The following DPYSL2 variants were observed in gnomAD, a reference collection of about 807,000 sequenced individuals.
DPYSL2 encodes dihydropyrimidinase-related protein 2.
A neutral mutation model predicts 69.9 loss-of-function variants in DPYSL2; 13 were observed. The observed-to-expected ratio is 0.19, with a 90% CI of 0.12 to 0.30. The LOEUF (loss-of-function observed/expected upper bound fraction) is 0.30. DPYSL2 is among the 10% of genes least tolerant of loss of function. The probability of loss-of-function intolerance (pLI) is 1.00; values close to 1 mark genes in which losing one functional copy is unlikely to be tolerated. For synonymous variants in DPYSL2, 326 were observed against 359.1 expected, an observed-to-expected ratio of 0.91 and a Z score of 1.04; for missense variants, 587 against 918.9, an observed-to-expected ratio of 0.64 and a Z score of 4.67.
chr8:26,630,765 T>A (rs1802753698), intron 7 of DPYSL2, among the ~76,000 whole-genome samples: 1 of 152,196 alleles, frequency 6.6e-6, no homozygotes, highest in Non-Finnish European at 1.5e-5. Flanking sequence ...GTTAAGTGAC[T>A]GCCCAGTTAT....
chr8:26,529,800 G>A (rs1800471356), intron 1 of DPYSL2, among the ~76,000 whole-genome samples: 1 of 149,264 alleles, frequency 6.7e-6, no homozygotes. Flanking sequence ...AAAGCTGGTG[G>A]TGAAGATGGC....
rs529324755 is a variant in DPYSL2, at chr8:26,585,981, G to A, written c.628+1998G>A. ...TAGCTAGGCATGGTGGCATGCTCCT[G>A]GAGTCCCAGCTACTTGGGAGGCTGA... On this transcript the variant is annotated intron_variant, in intron 3 of 13. Coordinates refer to ENST00000521913, the MANE Select transcript of DPYSL2 (RefSeq NM_001197293.3). The surrounding 1 kb of genome is among the most constrained non-coding windows in gnomAD (Gnocchi z 4.0). 6.6e-6 allele frequency among the ~76,000 whole-genome samples: 1 copy of A among 152,128 alleles called. No homozygotes were observed. The highest frequency in any genetic ancestry group is 1.5e-5 in the Non-Finnish European group (1 of 68,040).
intron 1 of DPYSL2, among the ~76,000 whole-genome samples, chr8:26,579,992 T>C (rs900176570): frequency 1.3e-5 from 2 of 148,378 alleles, no homozygotes; most frequent in African/African-American, 4.9e-5. Context: ...CTGGTTGCAT[T>C]ATCATAGGAC....
At chr8:26,556,240 A>AT (rs1491539651) in intron 1 of DPYSL2, among the ~76,000 whole-genome samples, 1 of 6,276 alleles carries the variant, frequency 1.6e-4, no homozygotes, top group Non-Finnish European at 3.3e-4. Flanking sequence ...GTATTTATAT[A>AT]ATATATATAG....
chr8:26,560,810 G>A lies in DPYSL2; in HGVS notation c.355-21159G>A, dbSNP rs1801058366. Among the ~76,000 whole-genome samples the A allele has an allele frequency of 1.3e-5, 2 of 152,152 alleles. No homozygotes were observed. The highest frequency in any genetic ancestry group is 4.8e-5 in the African/African-American group (2 of 41,416). On this transcript the variant is annotated intron_variant, in intron 1 of 13. Coordinates refer to ENST00000521913, the MANE Select transcript of DPYSL2 (RefSeq NM_001197293.3). This position sits in a 1 kb window ranked among gnomAD's most constrained non-coding sequence, Gnocchi z 4.4. ...GTGGACATTAGTATGATCTATGTAA[G>A]TATAATCACCAGCAGTTACAAAGTG...
At position 26,587,909 on chromosome 8, in the gene DPYSL2, G is replaced by A. The variant is rs986555499; in HGVS notation, c.628+3926G>A. On this transcript the variant is annotated intron_variant, in intron 3 of 13. Transcript: ENST00000521913. This position sits in a 1 kb window ranked among gnomAD's most constrained non-coding sequence, Gnocchi z 4.2. ...ATAGAGGGGAAGACTGAGGCCGGAA[G>A]GACAGACACGACTTGCCAACACTTA... 6.6e-6 allele frequency among the ~76,000 whole-genome samples: 1 copy of A among 152,194 alleles called. No homozygotes were observed. Among genetic ancestry groups the A allele is most frequent in the Non-Finnish European group, 1.5e-5 (1 of 68,044 alleles).
chr8:26,618,485 T>G (rs1802408837), intron 3 of DPYSL2, among the ~76,000 whole-genome samples: 1 of 146,626 alleles, frequency 6.8e-6, no homozygotes, highest in African/African-American at 2.5e-5. Flanking sequence ...GGTAATGTTT[T>G]TTTTTTTTTT....
At chr8:26,630,188 AC>A (rs1389369622) in intron 7 of DPYSL2, among the ~76,000 whole-genome samples, 1 of 152,156 alleles carries the variant, frequency 6.6e-6, no homozygotes, top group East Asian at 1.9e-4. Flanking sequence ...GCTTGCACAC[AC>A]CTATGCAGGC....
intron 4 of DPYSL2, among the ~76,000 whole-genome samples, chr8:26,625,518 C>T (rs537390538): frequency 1.9e-4 from 29 of 152,170 alleles, no homozygotes; most frequent in Middle Eastern, 3.4e-3. Flanking sequence ...TCCAAGGCTG[C>T]GAGGTTGTCA....
At chr8:26,611,854 C>G (rs920835184) in intron 3 of DPYSL2, among the ~76,000 whole-genome samples, 1 of 152,190 alleles carries the variant, frequency 6.6e-6, no homozygotes, top group Admixed American at 6.5e-5. Flanking sequence ...GGGACTCAGG[C>G]GCCTGGGGCT....
chr8:26,563,318 C>T (rs186075571), intron 1 of DPYSL2, among the ~76,000 whole-genome samples: 2 of 152,298 alleles, frequency 1.3e-5, no homozygotes, highest in Admixed American at 6.5e-5. Flanking sequence ...TACATAAACT[C>T]TCTTCTCCCA....
chr8:26,521,760 A>G (rs929922108), intron 1 of DPYSL2, among the ~76,000 whole-genome samples: 1 of 152,028 alleles, frequency 6.6e-6, no homozygotes, highest in Non-Finnish European at 1.5e-5. Context: ...TTTCATAGAC[A>G]TGGAACCATA....
chr8:26,581,837 G>A, intron 1 of DPYSL2, 132 bp from the exon 2 acceptor site: 1 of 707,354 alleles, frequency 1.4e-6, no homozygotes, highest in Non-Finnish European at 2.4e-6. Context: ...CTTTGTCACT[G>A]AACCTTTCCA....
In DPYSL2 at chr8:26,585,135, G is replaced by A. The variant is rs758227886; in HGVS notation, c.628+1152G>A. On this transcript the variant is annotated intron_variant, in intron 3 of 13. Transcript: ENST00000521913. The surrounding 1 kb of genome is among the most constrained non-coding windows in gnomAD (Gnocchi z 4.0). ...AAACAGATTGCATCCAAGAGTGACA[G>A]TCAACGTGGAGTCTGTCATATATGA... 6.6e-6 allele frequency among the ~76,000 whole-genome samples: 1 copy of A among 152,202 alleles called. No homozygotes were observed. The highest frequency in any genetic ancestry group is 1.5e-5 in the Non-Finnish European group (1 of 68,046).
chr8:26,595,084 G>T (rs1001950660), intron 3 of DPYSL2, among the ~76,000 whole-genome samples: 1 of 152,000 alleles, frequency 6.6e-6, no homozygotes, highest in African/African-American at 2.4e-5. Context: ...TTAGCTGGGC[G>T]TGGTGACACA....
chr8:26,537,792 C>T (rs534752908), intron 1 of DPYSL2, among the ~76,000 whole-genome samples: 1 of 152,306 alleles, frequency 6.6e-6, no homozygotes, highest in South Asian at 2.1e-4. Flanking sequence ...CAATACTACC[C>T]TCTAATCCCC....
rs1803019638 is a variant in DPYSL2 at position 26,640,638 on chromosome 8, G to A, written c.1127-2801G>A. Among the ~76,000 whole-genome samples the A allele has an allele frequency of 2.0e-5, 3 of 152,078 alleles. 1 individual carries two copies. The South Asian group carries it at 6.2e-4, about 32-fold the overall frequency. ...TAGATCATACTCTTGTGGAGGTAGAGGCCTGGAACATGATGGCTAAACTCC... is the reference window on the plus strand; with the variant it reads ...TAGATCATACTCTTGTGGAGGTAGAAGCCTGGAACATGATGGCTAAACTCC... On this transcript the variant is annotated intron_variant, in intron 8 of 13. Transcript: ENST00000521913. This position sits in a 1 kb window ranked among gnomAD's most constrained non-coding sequence, Gnocchi z 4.2.
chr8:26,563,454 C>A (rs1403561826), intron 1 of DPYSL2, among the ~76,000 whole-genome samples: 1 of 152,208 alleles, frequency 6.6e-6, no homozygotes, highest in Non-Finnish European at 1.5e-5. Context: ...ACATGAAGTC[C>A]TGAACTTAGC....
rs1333211808 is a variant in DPYSL2, at chr8:26,641,252, C to T, written c.1127-2187C>T. Reference sequence around the variant, plus strand: ...GAGACTATCCAGCCATTCTTTATCTCCAAGTGCCTCTGCTCTCATGAACTT... The same window carrying T: ...GAGACTATCCAGCCATTCTTTATCTTCAAGTGCCTCTGCTCTCATGAACTT... On this transcript the variant is annotated intron_variant, in intron 8 of 13. Transcript: ENST00000521913. This position sits in a 1 kb window ranked among gnomAD's most constrained non-coding sequence, Gnocchi z 4.1. Among the ~76,000 whole-genome samples the T allele has an allele frequency of 6.6e-6, 1 of 152,214 alleles. No individual in the cohort carries two copies. Among genetic ancestry groups the T allele is most frequent in the African/African-American group, 2.4e-5 (1 of 41,460 alleles).
Sources: gnomAD v4.1 joint callset for allele counts (sites outside exome capture counted in the v4.1 genomes callset) on GRCh38, gnomAD v4.1.1 for gene constraint, Gnocchi (gnomAD v3.1) non-coding constraint, MANE v1.5 for transcripts, NCBI Gene and HGNC (gene_info 2026-07-23, HGNC 2026-07-21) for gene names.